APC: variants seen among roughly 807,000 people sequenced by gnomAD.
The protein encoded by APC is adenomatous polyposis coli protein.
Under a neutral mutation model 247.0 loss-of-function variants are expected in APC, and 72 were observed. The observed-to-expected ratio is 0.29, with a 90% CI of 0.24 to 0.35. The LOEUF (loss-of-function observed/expected upper bound fraction) is 0.35. Among genes scored for constraint, APC ranks in the 10% least tolerant of loss-of-function variants. The pLI is 1.00. For synonymous variants in APC, 1,254 were observed against 1,162.5 expected (o/e 1.08, Z -1.60); for missense variants, 3,400 against 3,360.7 (o/e 1.01, Z -0.29).
chr5:112,709,195 G>C (rs1750706626), intron 1 of APC, among the ~76,000 whole-genome samples: 1 of 152,202 alleles, frequency 6.6e-6, no homozygotes, highest in Non-Finnish European at 1.5e-5. Flanking sequence ...TATGCCTGCT[G>C]TATTAGAATT....
At chr5:112,725,174 T>C (rs1751703133) in intron 1 of APC, among the ~76,000 whole-genome samples, 1 of 152,038 alleles carries the variant, frequency 6.6e-6, no homozygotes. Flanking sequence ...AGTTTCACTA[T>C]GTTGGCCAGG....
Position 112,844,522 on chromosome 5 carries a change from G to T in APC, c.*396G>T. The T allele has an allele frequency of 4.8e-6, 1 of 207,188 alleles. No individual in the cohort carries two copies. Among genetic ancestry groups the T allele is most frequent in the Admixed American group, 7.6e-5 (1 of 13,134 alleles). The allele number at this position is 207,188 out of a possible 1,614,324, so 12.8% of individuals were successfully genotyped here. Reference sequence around the variant, plus strand: ...CTAAACTTACATCAGGGAAAAATTGGTATTTATGCAAAAAAAAATGTTTTT... The same window carrying T: ...CTAAACTTACATCAGGGAAAAATTGTTATTTATGCAAAAAAAAATGTTTTT... On this transcript the variant is annotated 3_prime_UTR_variant, in exon 16 of 16. Coordinates refer to ENST00000257430, the MANE Select transcript of APC (RefSeq NM_000038.6).
At chr5:112,768,277 A>C (rs1272328961) in intron 4 of APC, among the ~76,000 whole-genome samples, 1 of 151,270 alleles carries the variant, frequency 6.6e-6, no homozygotes, top group African/African-American at 2.4e-5. Flanking sequence ...TCATGACCTT[A>C]GGTGATTCCC....
At chr5:112,761,713 C>A (rs1053932860) in intron 2 of APC, among the ~76,000 whole-genome samples, 4 of 152,122 alleles carry the variant, frequency 2.6e-5, no homozygotes, top group Non-Finnish European at 5.9e-5. Flanking sequence ...AATGCCAAAG[C>A]ACCATATATA....
At chr5:112,810,177 G>A (rs754449117) in intron 8 of APC, 1 of 455,896 alleles carries the variant, frequency 2.2e-6, no homozygotes, top group South Asian at 1.5e-5. Flanking sequence ...CAGTAGAGAA[G>A]AGAGTTGAAG....
intron 8 of APC, among the ~76,000 whole-genome samples, chr5:112,810,995 A>T (rs1367568636): frequency 1.3e-5 from 2 of 150,902 alleles, no homozygotes; most frequent in African/African-American, 4.9e-5. Flanking sequence ...ACTGCACTCC[A>T]GCCTGGGCAA....
In APC at chr5:112,815,546, A is replaced by C; in HGVS notation, c.886A>C (p.Ser296Arg). Reference sequence around the variant, plus strand: ...AACAGCCAGTGTTTTGAGTTCTAGTAGCACACACTCTGCACCTCGAAGGCT... The same window carrying C: ...AACAGCCAGTGTTTTGAGTTCTAGTCGCACACACTCTGCACCTCGAAGGCT... The part of the protein sequence containing the change: ...HETASVLSSS[S>R]THSAPRRLTS... The change falls in exon 9 of 16, where the codon AGC (serine) becomes CGC (arginine). Residue 296 changes from serine to arginine, a missense_variant. Ser to Arg is a moderately radical substitution (Grantham distance 110, BLOSUM62 -1). Around this residue, in one of 9 missense-constraint regions of APC, gnomAD observed 372 missense variants for 367.6 expected, o/e 1.01. Coordinates refer to ENST00000257430, the MANE Select transcript of APC (RefSeq NM_000038.6). 2 of 1,612,518 alleles carry C rather than the reference A, an allele frequency of 1.2e-6. No individual in the cohort carries two copies. Among genetic ancestry groups the C allele is most frequent in the South Asian group, 2.2e-5 (2 of 91,056 alleles).
At chr5:112,769,050 C>CTTTTTTTTTTTT (rs11379766) in intron 4 of APC, among the ~76,000 whole-genome samples, 60 of 96,790 alleles carry the variant, frequency 6.2e-4, no homozygotes, top group Non-Finnish European at 7.4e-4. Flanking sequence ...TTTTTTTCTT[C>CTTTTTTTTTTTT]TTTTTTTTTT....
At position 112,821,707 on chromosome 5, in the gene APC, T is replaced by G. The variant is rs533023077; in HGVS notation, c.1313-189T>G. The stretch of plus-strand genomic sequence containing the variant: ...TGGTAAACATTTTTATGGAAACAAA[T>G]CCCTTTATTCCTATTTTTTGTTCCA... On this transcript the variant is annotated intron_variant, in intron 10 of 15. Transcript: ENST00000257430. Among the ~76,000 whole-genome samples the G allele has an allele frequency of 3.3e-5, 5 of 152,276 alleles. No individual in the cohort carries two copies. The South Asian group carries it at 1.0e-3, about 32-fold the overall frequency.
rs1561523143 is a variant in APC at position 112,806,579 on chromosome 5, T to TTG, written c.834+5196_834+5197insTG. 6.2e-4 allele frequency among the ~76,000 whole-genome samples: 94 copies of TTG among 150,598 alleles called. 1 individual carries two copies. The highest frequency in any genetic ancestry group is 2.3e-3 in the African/African-American group (92 of 40,358). On this transcript the variant is annotated intron_variant, in intron 8 of 15. Transcript: ENST00000257430. Reference sequence around the variant, plus strand: ...TTATTTATTTATTTATTTATTTATTTATTTATTTATTTATTGAGATAGGGT... The same window carrying TTG: ...TTATTTATTTATTTATTTATTTATTTTGATTTATTTATTTATTGAGATAGGGT...
At chr5:112,765,429 A>G (rs1044411338) in intron 2 of APC, among the ~76,000 whole-genome samples, 1 of 152,196 alleles carries the variant, frequency 6.6e-6, no homozygotes, top group African/African-American at 2.4e-5. Context: ...GTCACTGTCA[A>G]GATAAATCAG....
intron 2 of APC, among the ~76,000 whole-genome samples, chr5:112,755,250 G>T (rs533237464): frequency 6.6e-6 from 1 of 152,280 alleles, no homozygotes; most frequent in East Asian, 1.9e-4. Flanking sequence ...TGGCTAGTTA[G>T]TTCTTAGTTC....
At chr5:112,827,572 T>C (rs544115948) in intron 12 of APC, among the ~76,000 whole-genome samples, 15 of 152,288 alleles carry the variant, frequency 9.8e-5, no homozygotes, top group African/African-American at 3.4e-4. Context: ...AAATAAAAGA[T>C]AAAACACTTC....
At chr5:112,767,799 T>G (rs1756528396) in intron 4 of APC, among the ~76,000 whole-genome samples, 1 of 151,826 alleles carries the variant, frequency 6.6e-6, no homozygotes, top group Admixed American at 6.6e-5. Context: ...CCTGGCTAAT[T>G]TTTGTATTTT....
rs876658338 is a variant in APC at position 112,841,308 on chromosome 5, A to C, written c.5714A>C (p.Gln1905Pro). 2 of 1,614,038 alleles carry C rather than the reference A, an allele frequency of 1.2e-6. No individual in the cohort carries two copies. The highest frequency in any genetic ancestry group is 1.7e-6 in the Non-Finnish European group (2 of 1,179,952). Residue 1905 changes from glutamine to proline, a missense_variant, in exon 16 of 16, where the codon CAA becomes CCA. Around this residue, in one of 9 missense-constraint regions of APC, gnomAD observed 1,788 missense variants for 1,649.5 expected, o/e 1.08. Coordinates refer to ENST00000257430, the MANE Select transcript of APC (RefSeq NM_000038.6). This position sits in a 1 kb window ranked among gnomAD's most constrained non-coding sequence, Gnocchi z 4.6. ...TSHTELTSNQ[Q>P]SANKTQAIAK... ...CACACAGAACTAACCTCCAACCAAC[A>C]ATCAGCTAATAAGACACAAGCTATT...
intron 4 of APC, among the ~76,000 whole-genome samples, chr5:112,774,700 C>G (rs941493098): frequency 1.3e-5 from 2 of 151,932 alleles, no homozygotes. Context: ...TGGTATTGAA[C>G]TCCTGAGCTC....
At chr5:112,792,740 G>A (rs1027283473) in intron 7 of APC, among the ~76,000 whole-genome samples, 3 of 152,098 alleles carry the variant, frequency 2.0e-5, no homozygotes, top group Non-Finnish European at 4.4e-5. Flanking sequence ...TTATAAAACT[G>A]TAAATATAGA....
intron 2 of APC, among the ~76,000 whole-genome samples, chr5:112,762,372 T>G (rs1755767987): frequency 6.6e-6 from 1 of 152,204 alleles, no homozygotes; most frequent in South Asian, 2.1e-4. Context: ...AAGTGTCCAC[T>G]AAACGGTACA....
intron 7 of APC, among the ~76,000 whole-genome samples, chr5:112,793,045 A>G (rs1759815583): frequency 6.6e-6 from 1 of 152,066 alleles, no homozygotes; most frequent in East Asian, 1.9e-4. Flanking sequence ...AGGAATGAAA[A>G]GTCATGAAGC....
Sources: allele counts gnomAD v4.1 joint callset (sites outside exome capture counted in the v4.1 genomes callset), GRCh38; gene constraint gnomAD v4.1.1; regional missense constraint gnomAD v4.1.1; non-coding constraint Gnocchi (gnomAD v3.1); transcripts MANE v1.5; gene names NCBI Gene and HGNC (gene_info 2026-07-23, HGNC 2026-07-21).